SIPA1L2: variants seen among roughly 807,000 people sequenced by gnomAD.
The protein encoded by SIPA1L2 is signal induced proliferation associated 1 like 2, also known as signal-induced proliferation-associated 1-like protein 2.
In SIPA1L2, 56 loss-of-function variants were observed where a neutral mutation model predicts 163.9. The observed-to-expected ratio is 0.34, with a 90% CI of 0.28 to 0.43. SIPA1L2 has a LOEUF of 0.43. Ranked by LOEUF, SIPA1L2 falls within the 20% of genes least tolerant of loss-of-function variation. SIPA1L2 has a pLI of 1.00. For missense variants in SIPA1L2, 1,974 were observed against 2,193.5 expected, an observed-to-expected ratio of 0.90 and a Z score of 2.00; for synonymous variants, 877 against 865.7, an observed-to-expected ratio of 1.01 and a Z score of -0.23.
intron 1 of SIPA1L2, among the ~76,000 whole-genome samples, chr1:232,594,868 T>G (rs1179005620): frequency 6.6e-6 from 1 of 152,174 alleles, no homozygotes; most frequent in Non-Finnish European, 1.5e-5. Flanking sequence ...GGTGTTCCAC[T>G]GCGGCTACAC....
chr1:232,508,910 G>A (rs920488817), intron 3 of SIPA1L2, among the ~76,000 whole-genome samples: 1 of 152,132 alleles, frequency 6.6e-6, no homozygotes, highest in African/African-American at 2.4e-5. Context: ...TGGCCAACAC[G>A]GCGAAACCCC....
chr1:232,593,773 G>A (rs1162764094), intron 1 of SIPA1L2, among the ~76,000 whole-genome samples: 2 of 152,102 alleles, frequency 1.3e-5, no homozygotes, highest in African/African-American at 2.4e-5. Context: ...CACTTAAATC[G>A]TGTCAAATAA....
intron 10 of SIPA1L2, among the ~76,000 whole-genome samples, chr1:232,452,678 T>C (rs1006683635): frequency 6.6e-6 from 1 of 152,214 alleles, no homozygotes; most frequent in South Asian, 2.1e-4. Context: ...AGACCATCAC[T>C]GTTTGAGTCT....
chr1:232,593,064 TCAGA>T (rs1449406871), intron 1 of SIPA1L2, among the ~76,000 whole-genome samples: 2 of 152,182 alleles, frequency 1.3e-5, no homozygotes, highest in East Asian at 3.8e-4. Flanking sequence ...CTTAGGAAAC[TCAGA>T]CAGCAGCTGC....
intron 2 of SIPA1L2, among the ~76,000 whole-genome samples, chr1:232,550,667 ACTACTGTCTT>A (rs1658324632): frequency 6.6e-6 from 1 of 152,150 alleles, no homozygotes. Context: ...GGTATCCAAC[ACTACTGTCTT>A]CTTAATGCAG....
At chr1:232,538,907 T>C (rs1375097908) in intron 2 of SIPA1L2, among the ~76,000 whole-genome samples, 1 of 152,204 alleles carries the variant, frequency 6.6e-6, no homozygotes, top group Non-Finnish European at 1.5e-5. Context: ...TAGAATATCA[T>C]GTTCTTTTTT....
chr1:232,405,193 A>G (rs1318681010), intron 19 of SIPA1L2, among the ~76,000 whole-genome samples: 1 of 152,262 alleles, frequency 6.6e-6, no homozygotes, highest in African/African-American at 2.4e-5. Flanking sequence ...AAGCACCGTC[A>G]GTGCCCTGAC....
chr1:232,563,957 G>A (rs1201146312), intron 2 of SIPA1L2, among the ~76,000 whole-genome samples: 2 of 24,682 alleles, frequency 8.1e-5, no homozygotes, highest in Middle Eastern at 0.025. Context: ...TTTTTTTTTC[G>A]TGTGTGTGTG....
chr1:232,531,682 T>C (rs1290952359), intron 2 of SIPA1L2, among the ~76,000 whole-genome samples: 1 of 152,170 alleles, frequency 6.6e-6, no homozygotes, highest in African/African-American at 2.4e-5. Flanking sequence ...GTAATGTGGA[T>C]AGGTAGAATG....
At chr1:232,407,047 T>C (rs368144607) in intron 19 of SIPA1L2, among the ~76,000 whole-genome samples, 2 of 152,370 alleles carry the variant, frequency 1.3e-5, no homozygotes, top group African/African-American at 4.8e-5. Context: ...TAAAATTCTC[T>C]GGTTTAGACT....
rs369364776 is a variant in SIPA1L2, at chr1:232,425,625, G to C, written c.4594C>G (p.Arg1532Gly). 1.2e-6 allele frequency: 2 copies of C among 1,609,024 alleles called. No homozygotes were observed. Among genetic ancestry groups the C allele is most frequent in the Non-Finnish European group, 8.5e-7 (1 of 1,177,946 alleles). Residue 1532 changes from arginine to glycine, a missense_variant, in exon 18 of 23, where the codon CGG becomes GGG. Coordinates refer to ENST00000674635, the MANE Select transcript of SIPA1L2 (RefSeq NM_020808.5). ...CCCATGCTGGGTGCGGGGTGGGCCC[G>C]CGGAGGCAGCGTGCTGTGGTAGGGT... ...TPPYHSTLPPRAHPAPSMGSL... is the reference protein window; with the variant it reads ...TPPYHSTLPPGAHPAPSMGSL...
At chr1:232,445,842 T>C in intron 10 of SIPA1L2, 56 bp from the exon 11 acceptor site, 2 of 1,574,564 alleles carry the variant, frequency 1.3e-6, no homozygotes, top group South Asian at 1.2e-5. Flanking sequence ...GCTGTCAGCA[T>C]GGCTTACTCA....
At chr1:232,490,641 C>G (rs930887157) in intron 5 of SIPA1L2, 1 of 450,140 alleles carries the variant, frequency 2.2e-6, no homozygotes, top group African/African-American at 2.1e-5. Context: ...TGGGACACAC[C>G]AAAACCTTGG....
chr1:232,440,469 C>T (rs1247768529), intron 14 of SIPA1L2, among the ~76,000 whole-genome samples: 1 of 152,116 alleles, frequency 6.6e-6, no homozygotes, highest in Non-Finnish European at 1.5e-5. Context: ...TTGCTGAAAC[C>T]AATATGAGAA....
intron 15 of SIPA1L2, among the ~76,000 whole-genome samples, chr1:232,438,865 T>C (rs1389577142): frequency 1.3e-5 from 2 of 151,116 alleles, no homozygotes; most frequent in Non-Finnish European, 2.9e-5. Context: ...ATATCTCTAT[T>C]GACTTTTCAC....
chr1:232,536,934 C>T (rs1657341114), intron 2 of SIPA1L2, among the ~76,000 whole-genome samples: 1 of 152,198 alleles, frequency 6.6e-6, no homozygotes, highest in South Asian at 2.1e-4. Flanking sequence ...TATACCACAT[C>T]ATGTCGTAAT....
chr1:232,569,538 C>T (rs1268697311), intron 2 of SIPA1L2, among the ~76,000 whole-genome samples: 1 of 152,200 alleles, frequency 6.6e-6, no homozygotes, highest in African/African-American at 2.4e-5. Context: ...GAAGGCCAGG[C>T]ATGGTGGCTC....
At chr1:232,474,175 G>A (rs1172247775) in intron 7 of SIPA1L2, among the ~76,000 whole-genome samples, 1 of 152,162 alleles carries the variant, frequency 6.6e-6, no homozygotes, top group Non-Finnish European at 1.5e-5. Context: ...CATCTTCTGG[G>A]GCGAACTTCT....
At chr1:232,523,660 G>T in intron 2 of SIPA1L2, among the ~76,000 whole-genome samples, 1 of 151,988 alleles carries the variant, frequency 6.6e-6, no homozygotes, top group Non-Finnish European at 1.5e-5. Flanking sequence ...TGGCAGGCTG[G>T]AGCTTTAAAA....
Sources: gnomAD v4.1 joint callset for allele counts (sites outside exome capture counted in the v4.1 genomes callset) on GRCh38, gnomAD v4.1.1 for gene constraint, MANE v1.5 for transcripts, NCBI Gene and HGNC (gene_info 2026-07-23, HGNC 2026-07-21) for gene names.